Variants in STARD9 observed in about 807,000 individuals in gnomAD.
STARD9 encodes the protein StAR related lipid transfer domain containing 9, also known as stAR-related lipid transfer protein 9.
STARD9 carries 346 observed loss-of-function variants against 399.8 expected under a neutral mutation model. That is an observed-to-expected ratio of 0.87 (90% CI 0.79 to 0.95). STARD9 has a LOEUF of 0.95. STARD9 is among the 40% of genes least tolerant of loss of function. STARD9 has a pLI of 0.00. For synonymous variants in STARD9, 2,203 were observed against 2,143.5 expected, an observed-to-expected ratio of 1.03 and a Z score of -0.77; for missense variants, 5,832 against 5,667.5, an observed-to-expected ratio of 1.03 and a Z score of -0.93.
chr15:42,698,606 T>G (rs1178988960), intron 26 of STARD9, among the ~76,000 whole-genome samples: 1 of 152,214 alleles, frequency 6.6e-6, no homozygotes, highest in East Asian at 1.9e-4. Context: ...TCCTTCTCTT[T>G]TGACTTTGCT....
At chr15:42,676,286 T>C (rs2060310523) in intron 20 of STARD9, among the ~76,000 whole-genome samples, 1 of 152,246 alleles carries the variant, frequency 6.6e-6, no homozygotes, top group Non-Finnish European at 1.5e-5. Context: ...TTAGCTGTGC[T>C]GTGTTTGTGG....
chr15:42,613,217 C>T (rs1326756793), intron 3 of STARD9, among the ~76,000 whole-genome samples: 1 of 151,560 alleles, frequency 6.6e-6, no homozygotes, highest in Non-Finnish European at 1.5e-5. Context: ...TTTTTCTTTC[C>T]TTTTTTTGTT....
chr15:42,646,438 T>C (rs922063248), intron 7 of STARD9, among the ~76,000 whole-genome samples: 6 of 152,228 alleles, frequency 3.9e-5, no homozygotes, highest in African/African-American at 1.4e-4. Context: ...CCGTCAGCAC[T>C]TGCTTGCTTC....
chr15:42,684,077 C>A, intron 22 of STARD9, 39 bp from the exon 23 acceptor site: 1 of 1,495,064 alleles, frequency 6.7e-7, no homozygotes. Context: ...GAAGTAGTAC[C>A]TCTCACATCT....
At chr15:42,597,399 G>A (rs1019906318) in intron 3 of STARD9, among the ~76,000 whole-genome samples, 7 of 151,808 alleles carry the variant, frequency 4.6e-5, no homozygotes, top group Admixed American at 3.3e-4. Flanking sequence ...ATGGATTCTC[G>A]CTGTGTCACC....
chr15:42,605,250 G>T (rs146582932), intron 3 of STARD9, among the ~76,000 whole-genome samples: 2,226 of 152,314 alleles, frequency 0.015, 34 homozygotes, highest in Middle Eastern at 0.065. Context: ...GCTGGATTCA[G>T]ATGTTTGAAC....
Position 42,690,026 on chromosome 15 carries a change from TG to T in STARD9, c.8449del (p.Val2817Ter). ...EKTAHFESQS[V>X]TCDVQNSTSA... ...AAACAGCCCATTTTGAAAGTCAGTC[TG>T]TGACCTGTGATGTTCAGAATTCTAC... On this transcript the variant is annotated frameshift_variant, in exon 23 of 33. Transcript: ENST00000290607. LOFTEE classifies it high-confidence loss of function. 1 of 1,537,482 alleles carries T rather than the reference TG, an allele frequency of 6.5e-7. No homozygotes were observed.
At chr15:42,616,535 A>G (rs1009842934) in intron 3 of STARD9, among the ~76,000 whole-genome samples, 1 of 152,230 alleles carries the variant, frequency 6.6e-6, no homozygotes, top group African/African-American at 2.4e-5. Flanking sequence ...ACAGTGGTTC[A>G]GAGCAAGAGC....
At chr15:42,631,921 T>C (rs1036003596) in intron 3 of STARD9, among the ~76,000 whole-genome samples, 1 of 152,170 alleles carries the variant, frequency 6.6e-6, no homozygotes, top group Non-Finnish European at 1.5e-5. Flanking sequence ...TCTGCAGCCA[T>C]TGGATGAAAT....
chr15:42,655,008 G>A (rs1013614611), intron 9 of STARD9, among the ~76,000 whole-genome samples: 3 of 152,146 alleles, frequency 2.0e-5, no homozygotes, highest in Non-Finnish European at 1.5e-5. Flanking sequence ...TGGGCCAGGC[G>A]CAGTGGCTCA....
chr15:42,685,828 C>T lies in STARD9; in HGVS notation c.4250C>T (p.Ala1417Val). 6.5e-7 allele frequency: 1 copy of T among 1,537,166 alleles called. No individual in the cohort carries two copies. The highest frequency in any genetic ancestry group is 8.7e-7 in the Non-Finnish European group (1 of 1,146,934). Residue 1417 changes from alanine (A) to valine (V), a missense_variant, in exon 23 of 33, where the codon GCT becomes GTT. Around this residue, in one of 2 missense-constraint regions of STARD9, gnomAD observed 5,828 missense variants for 5,651.1 expected, o/e 1.03. Transcript: ENST00000290607. ...GCAAGAGATGAGCACACAGCCTCTG[C>T]TGCTGATACGTCTAGGCTGTCTCTC... ...CSARDEHTAS[A>V]ADTSRLSLWG...
At chr15:42,616,917 A>G (rs1595644124) in intron 3 of STARD9, among the ~76,000 whole-genome samples, 1 of 151,752 alleles carries the variant, frequency 6.6e-6, no homozygotes, top group African/African-American at 2.4e-5. Context: ...AAATACAAAA[A>G]GAAAGTTAGA....
At chr15:42,640,533 G>A (rs1303007167) in intron 7 of STARD9, among the ~76,000 whole-genome samples, 1 of 152,036 alleles carries the variant, frequency 6.6e-6, no homozygotes, top group African/African-American at 2.4e-5. Context: ...TTAAAAGTCT[G>A]TGTGTGGGCC....
chr15:42,699,392 C>CTTTTCTTTT lies in STARD9; in HGVS notation c.13284+3516_13284+3517insCTTTTTTTT, dbSNP rs1359323091. On this transcript the variant is annotated intron_variant, in intron 26 of 32. Transcript: ENST00000290607. ...TCTATGAGATCAACTTTTTTCTTTT[C>CTTTTCTTTT]TTTTTTTTTTTTTTTTTTTTGAGAT... is the stretch of plus-strand genomic sequence containing the variant. 3.0e-4 allele frequency among the ~76,000 whole-genome samples: 34 copies of CTTTTCTTTT among 113,292 alleles called. 2 individuals are homozygous for CTTTTCTTTT. Among genetic ancestry groups the CTTTTCTTTT allele is most frequent in the African/African-American group, 1.3e-3 (32 of 24,552 alleles). 74.3% of individuals were successfully genotyped at this position (113,292 alleles called of 152,430 possible).
In STARD9 at chr15:42,674,002, T is replaced by A. The variant is rs553894527; in HGVS notation, c.1498-438T>A. Reference sequence around the variant, plus strand: ...GTTTCCATAAATCTTCACAAAATGCTTGTTTGATTGAGACTTACTGGATCA... The same window carrying A: ...GTTTCCATAAATCTTCACAAAATGCATGTTTGATTGAGACTTACTGGATCA... On this transcript the variant is annotated intron_variant, in intron 16 of 32. Transcript: ENST00000290607. The A allele has an allele frequency of 8.8e-6, 4 of 457,118 alleles. No individual in the cohort carries two copies. The East Asian group carries it at 2.8e-4, about 32-fold the overall frequency. The allele number at this position is 457,118 out of a possible 1,614,324, so 28.3% of individuals were successfully genotyped here. A position where few individuals can be genotyped will look rare whatever the true frequency, so the allele number is the denominator to read the frequency against.
At chr15:42,665,909 C>A in intron 15 of STARD9, 61 bp downstream of exon 15, 7 of 1,387,756 alleles carry the variant, frequency 5.0e-6, no homozygotes, top group South Asian at 4.9e-5. Context: ...TCCATTATTC[C>A]GGAGCTAGGT....
In STARD9 at chr15:42,689,542, C is replaced by T; in HGVS notation, c.7964C>T (p.Thr2655Ile). 1 of 1,537,330 alleles carries T rather than the reference C, an allele frequency of 6.5e-7. No individual in the cohort carries two copies. The highest frequency in any genetic ancestry group is 8.7e-7 in the Non-Finnish European group (1 of 1,146,934). ...DSFESLPNTE[T>I]DREPWDPVQA... Reference sequence around the variant, plus strand: ...TTTGAATCTCTGCCCAATACGGAAACTGACAGAGAGCCATGGGATCCTGTG... The same window carrying T: ...TTTGAATCTCTGCCCAATACGGAAATTGACAGAGAGCCATGGGATCCTGTG... Residue 2655 changes from threonine (T) to isoleucine (I), a missense_variant, in exon 23 of 33, where the codon ACT becomes ATT. Around this residue, in one of 2 missense-constraint regions of STARD9, gnomAD observed 5,828 missense variants for 5,651.1 expected, o/e 1.03. Transcript: ENST00000290607.
rs992532722 is a variant in STARD9, at chr15:42,691,032, G to A, written c.9454G>A (p.Glu3152Lys). 4.6e-6 allele frequency: 7 copies of A among 1,537,282 alleles called. No individual in the cohort carries two copies. Among genetic ancestry groups the A allele is most frequent in the Non-Finnish European group, 6.1e-6 (7 of 1,146,914 alleles). The change falls in exon 23 of 33, where the codon GAG becomes AAG. Residue 3152 changes from glutamate to lysine, a missense_variant. Around this residue, in one of 2 missense-constraint regions of STARD9, gnomAD observed 5,828 missense variants for 5,651.1 expected, o/e 1.03. Transcript: ENST00000290607. ...CCTGGATTTAAGTGAAGGGTCTGCT[G>A]AGAGCAAGTTGGTGGTAGAGCCACA... Reference protein sequence around the residue: ...HTLDLSEGSAESKLVVEPQHE... With the variant: ...HTLDLSEGSAKSKLVVEPQHE...
At chr15:42,707,297 A>T (rs1183337683) in intron 26 of STARD9, among the ~76,000 whole-genome samples, 2 of 152,188 alleles carry the variant, frequency 1.3e-5, no homozygotes, top group African/African-American at 4.8e-5. Flanking sequence ...CATGTAAGGA[A>T]TTGTTTATTA....
Sources: gnomAD v4.1 joint callset for allele counts (sites outside exome capture counted in the v4.1 genomes callset) on GRCh38, gnomAD v4.1.1 for gene constraint, gnomAD v4.1.1 regional missense constraint, MANE v1.5 for transcripts, NCBI Gene and HGNC (gene_info 2026-07-23, HGNC 2026-07-21) for gene names.